The following MYH10 variants were observed in gnomAD, a reference collection of about 807,000 sequenced individuals.
MYH10 encodes the protein myosin heavy chain 10, also known as myosin-10.
A neutral mutation model predicts 257.8 loss-of-function variants in MYH10; 55 were observed. That is an observed-to-expected ratio of 0.21 (90% CI 0.17 to 0.27). The LOEUF is 0.27. MYH10 is among the 10% of genes least tolerant of loss of function. The pLI is 1.00. For synonymous variants in MYH10, 854 were observed against 921.7 expected (o/e 0.93, Z 1.33); for missense variants, 1,631 against 2,500.6 (o/e 0.65, Z 7.42).
At chr17:8,604,692 T>C in intron 3 of MYH10, 134 bp downstream of exon 3, 1 of 622,324 alleles carries the variant, frequency 1.6e-6, no homozygotes, top group East Asian at 3.5e-5. Context: ...TCAATTTTTC[T>C]ACAATAAACA....
At chr17:8,628,837 C>T (rs745599104) in intron 1 of MYH10, among the ~76,000 whole-genome samples, 6 of 152,206 alleles carry the variant, frequency 3.9e-5, no homozygotes, top group Non-Finnish European at 5.9e-5. Context: ...TCAAGATTTC[C>T]TCCATCTCAC....
intron 4 of MYH10, among the ~76,000 whole-genome samples, chr17:8,582,624 G>A (rs772967263): frequency 1.3e-5 from 2 of 152,254 alleles, no homozygotes; most frequent in Non-Finnish European, 2.9e-5. Context: ...AAGATCAGGA[G>A]TTTCTAAACG....
chr17:8,566,252 G>C (rs1597845398), intron 7 of MYH10, among the ~76,000 whole-genome samples: 1 of 152,160 alleles, frequency 6.6e-6, no homozygotes, highest in Admixed American at 6.5e-5. Flanking sequence ...TCACTGTAAG[G>C]ATTCATAGTA....
At chr17:8,505,621 G>C (rs941219117) in intron 27 of MYH10, among the ~76,000 whole-genome samples, 6 of 152,204 alleles carry the variant, frequency 3.9e-5, no homozygotes, top group Non-Finnish European at 5.9e-5. Context: ...GTTTAGAACT[G>C]ATTATTGAAT....
chr17:8,616,537 A>T (rs1424706177), intron 2 of MYH10, among the ~76,000 whole-genome samples: 2 of 152,142 alleles, frequency 1.3e-5, no homozygotes, highest in Non-Finnish European at 2.9e-5. Context: ...CACCATTTAA[A>T]TAATATTCAA....
chr17:8,490,120 C>T lies in MYH10; in HGVS notation c.4884+220G>A, dbSNP rs1915535045. The T allele has an allele frequency of 2.1e-6, 1 of 474,022 alleles. No homozygotes were observed. The highest frequency in any genetic ancestry group is 3.4e-5 in the Admixed American group (1 of 29,346). 29.4% of individuals were successfully genotyped at this position (474,022 alleles called of 1,614,324 possible). On this transcript the variant is annotated intron_variant, in intron 35 of 42. Transcript: ENST00000360416. The surrounding 1 kb of genome is among the most constrained non-coding windows in gnomAD (Gnocchi z 4.1). ...GGCTTTCTGACTGATAAGTGTCTGGCTTGTAGGCAGGAATGATACTGAGAA... is the reference window on the plus strand; with the variant it reads ...GGCTTTCTGACTGATAAGTGTCTGGTTTGTAGGCAGGAATGATACTGAGAA...
intron 35 of MYH10, among the ~76,000 whole-genome samples, chr17:8,489,743 A>AC (rs1555570905): frequency 1.3e-5 from 2 of 150,260 alleles, no homozygotes; most frequent in African/African-American, 4.9e-5. Flanking sequence ...ACACACACAC[A>AC]CACCCCAAAT....
At chr17:8,525,907 C>T (rs1443189616) in intron 17 of MYH10, among the ~76,000 whole-genome samples, 1 of 152,152 alleles carries the variant, frequency 6.6e-6, no homozygotes, top group Non-Finnish European at 1.5e-5. Flanking sequence ...ATTCTCCTGC[C>T]TCATCCTTTT....
At chr17:8,582,647 C>T (rs548912754) in intron 4 of MYH10, among the ~76,000 whole-genome samples, 3 of 152,322 alleles carry the variant, frequency 2.0e-5, no homozygotes, top group East Asian at 1.9e-4. Context: ...AACATGTTTG[C>T]GTTTCCTCAA....
Position 8,495,198 on chromosome 17 carries a change from T to G in MYH10, c.3995A>C (p.Lys1332Thr), listed in dbSNP as rs779583183. The change falls in exon 31 of 43, where the codon AAG becomes ACG. Residue 1332 changes from lysine (K) to threonine (T), a missense_variant. Physicochemically the swap from Lys to Thr is moderately conservative, Grantham distance 78 (BLOSUM62 -1). Around this residue, in one of 11 missense-constraint regions of MYH10, gnomAD observed 463 missense variants for 621.8 expected, o/e 0.74. Coordinates refer to ENST00000360416, the MANE Select transcript of MYH10 (RefSeq NM_001256012.3). Reference protein sequence around the residue: ...NVSTLLEEAEKKGIKFAKDAA... With the variant: ...NVSTLLEEAETKGIKFAKDAA... ...ATCCTTAGCAAATTTAATACCCTTCTTCTCTGCTTCTTCCAGAAGGGTGGA... is the reference window on the plus strand; with the variant it reads ...ATCCTTAGCAAATTTAATACCCTTCGTCTCTGCTTCTTCCAGAAGGGTGGA... The G allele has an allele frequency of 1.2e-6, 2 of 1,613,488 alleles. No individual in the cohort carries two copies. Among genetic ancestry groups the G allele is most frequent in the African/African-American group, 2.7e-5 (2 of 74,922 alleles).
intron 36 of MYH10, among the ~76,000 whole-genome samples, chr17:8,486,680 G>A (rs1032906543): frequency 6.6e-6 from 1 of 151,488 alleles, no homozygotes; most frequent in Non-Finnish European, 1.5e-5. Flanking sequence ...ATGTGAAAAT[G>A]TATACACACA....
In MYH10 at chr17:8,530,676, T is replaced by C; in HGVS notation, c.1904A>G (p.Asn635Ser). The C allele has an allele frequency of 6.5e-7, 1 of 1,549,578 alleles. No individual in the cohort carries two copies. Among genetic ancestry groups the C allele is most frequent in the Non-Finnish European group, 8.7e-7 (1 of 1,146,542 alleles). ...GTCATAGAAAGAAGCTCTCTGAATA[T>C]TCTGAATCTCTAAAGCAGAGAAACA... The part of the protein sequence containing the change: ...VAELWKDEIQ[N>S]IQRASFYDSV... Residue 635 changes from asparagine to serine, a missense_variant, in exon 17 of 43, where the codon AAT becomes AGT. Asn to Ser is a conservative substitution (Grantham distance 46). This residue lies in a region of MYH10 where 96 missense variants were observed against 146.2 expected (regional missense o/e 0.66). Transcript: ENST00000360416.
intron 36 of MYH10, 146 bp downstream of exon 36, chr17:8,487,287 A>T (rs1199968637): frequency 1.1e-6 from 1 of 897,008 alleles, no homozygotes; most frequent in African/African-American, 1.6e-5. Context: ...CAGCGGACAC[A>T]CAAGCACTCT....
chr17:8,619,465 G>C (rs969829494), intron 2 of MYH10, among the ~76,000 whole-genome samples: 3 of 152,084 alleles, frequency 2.0e-5, no homozygotes, highest in African/African-American at 7.2e-5. Flanking sequence ...CCCTGAGAGG[G>C]TCTCAGGGAA....
At chr17:8,536,506 C>A (rs1215714256) in intron 14 of MYH10, among the ~76,000 whole-genome samples, 1 of 152,142 alleles carries the variant, frequency 6.6e-6, no homozygotes, top group Non-Finnish European at 1.5e-5. Flanking sequence ...AGGCATTTGA[C>A]AACCCATTTT....
intron 36 of MYH10, among the ~76,000 whole-genome samples, chr17:8,485,986 C>A (rs528982805): frequency 2.6e-5 from 4 of 152,126 alleles, no homozygotes; most frequent in African/African-American, 9.7e-5. Flanking sequence ...TAGAGTGTTA[C>A]TCAGTAATAA....
At chr17:8,562,776 T>C (rs1032616364) in intron 7 of MYH10, among the ~76,000 whole-genome samples, 5 of 152,228 alleles carry the variant, frequency 3.3e-5, no homozygotes, top group Non-Finnish European at 7.3e-5. Context: ...AATTCTCTCA[T>C]ATATAATCAA....
At chr17:8,622,693 A>G (rs2085512096) in intron 2 of MYH10, among the ~76,000 whole-genome samples, 1 of 152,246 alleles carries the variant, frequency 6.6e-6, no homozygotes, top group Admixed American at 6.5e-5. Context: ...ATGTAATTGC[A>G]GCCTGTATTA....
In MYH10 at chr17:8,506,567, C is replaced by A; in HGVS notation, c.3215-78G>T. 1 of 1,469,340 alleles carries A rather than the reference C, an allele frequency of 6.8e-7. No homozygotes were observed. The highest frequency in any genetic ancestry group is 9.2e-7 in the Non-Finnish European group (1 of 1,081,396). 91.0% of individuals were successfully genotyped at this position (1,469,340 alleles called of 1,614,324 possible). A position where few individuals can be genotyped will look rare whatever the true frequency, so the allele number is the denominator to read the frequency against. ...GAATAAACTAAAATACAGACTGATC[C>A]AAGTTGAAAATAAGCCATTTTATTC... is the stretch of plus-strand genomic sequence containing the variant. On this transcript the variant is annotated intron_variant, in intron 26 of 42. Coordinates refer to ENST00000360416, the MANE Select transcript of MYH10 (RefSeq NM_001256012.3). This position sits in a 1 kb window ranked among gnomAD's most constrained non-coding sequence, Gnocchi z 5.0.
Sources: allele counts gnomAD v4.1 joint callset (sites outside exome capture counted in the v4.1 genomes callset), GRCh38; gene constraint gnomAD v4.1.1; regional missense constraint gnomAD v4.1.1; non-coding constraint Gnocchi (gnomAD v3.1); transcripts MANE v1.5; gene names NCBI Gene and HGNC (gene_info 2026-07-23, HGNC 2026-07-21).